The following ABCA1 variants were observed in gnomAD, a reference collection of about 807,000 sequenced individuals.
ABCA1 encodes ATP binding cassette subfamily A member 1.
Under a neutral mutation model 262.5 loss-of-function variants are expected in ABCA1, and 133 were observed. The observed-to-expected ratio is 0.51, with a 90% CI of 0.44 to 0.59. The LOEUF (loss-of-function observed/expected upper bound fraction) is 0.59. Ranked by LOEUF, ABCA1 falls within the 20% of genes least tolerant of loss-of-function variation. The probability of loss-of-function intolerance (pLI) is 0.00; values close to 1 mark genes in which losing one functional copy is unlikely to be tolerated. For synonymous variants in ABCA1, 1,022 were observed against 1,043.5 expected (o/e 0.98, Z 0.40); for missense variants, 2,452 against 2,777.5 (o/e 0.88, Z 2.63).
At chr9:104,847,256 A>G (rs564790241) in intron 7 of ABCA1, among the ~76,000 whole-genome samples, 9 of 152,284 alleles carry the variant, frequency 5.9e-5, no homozygotes, top group Admixed American at 2.6e-4. Flanking sequence ...CTGTGCCCCA[A>G]TTCTCCAGTC....
chr9:104,795,911 G>GTTC, intron 39 of ABCA1, 142 bp downstream of exon 39: 13 of 1,221,412 alleles, frequency 1.1e-5, no homozygotes, highest in Non-Finnish European at 1.4e-5. Context: ...TGCCTTCTCA[G>GTTC]GGAAGACAGA....
chr9:104,857,405 G>T (rs903384086), intron 7 of ABCA1, among the ~76,000 whole-genome samples: 2 of 152,096 alleles, frequency 1.3e-5, no homozygotes, highest in Non-Finnish European at 2.9e-5. Flanking sequence ...GCTATTTTTT[G>T]TATTTTTGTA....
chr9:104,838,849 G>A (rs1834089789), intron 9 of ABCA1, among the ~76,000 whole-genome samples: 1 of 151,406 alleles, frequency 6.6e-6, no homozygotes, highest in Admixed American at 6.6e-5. Context: ...TCACAATTAA[G>A]TCTGTCATGG....
intron 19 of ABCA1, among the ~76,000 whole-genome samples, chr9:104,821,895 T>C (rs976771210): frequency 1.3e-5 from 2 of 152,212 alleles, no homozygotes; most frequent in African/African-American, 2.4e-5. Flanking sequence ...TTAAAAATCT[T>C]CTGAAAAGCT....
chr9:104,788,341 G>C (rs1356425191), intron 45 of ABCA1, 85 bp downstream of exon 45: 14 of 1,590,334 alleles, frequency 8.8e-6, no homozygotes, highest in Middle Eastern at 1.7e-4. Context: ...AAAACAGCCT[G>C]AAGTCAATGC....
chr9:104,913,323 T>C (rs1841613092), intron 1 of ABCA1, among the ~76,000 whole-genome samples: 2 of 152,220 alleles, frequency 1.3e-5, no homozygotes, highest in South Asian at 4.1e-4. Context: ...TGGGTTTGAA[T>C]CCTGACTCTG....
chr9:104,874,966 G>A (rs185776746), intron 5 of ABCA1, among the ~76,000 whole-genome samples: 2,113 of 151,924 alleles, frequency 0.014, 34 homozygotes, highest in Non-Finnish European at 0.018. Flanking sequence ...CCCTCTACCC[G>A]GCCGCCGCCC....
intron 7 of ABCA1, chr9:104,855,997 A>G: frequency 1.2e-6 from 2 of 1,612,834 alleles, no homozygotes; most frequent in Non-Finnish European, 1.7e-6. Flanking sequence ...TCTCCCCATC[A>G]TGTTGGGCTT....
At chr9:104,810,677 C>A (rs756215452) in intron 29 of ABCA1, 123 bp downstream of exon 29, 45 of 1,477,524 alleles carry the variant, frequency 3.0e-5, no homozygotes, top group Non-Finnish European at 4.1e-5. Context: ...TATACAGGGA[C>A]CTGAGCCGCA....
rs769430806 is a variant in ABCA1 at position 104,812,694 on chromosome 9, C to T, written c.3930G>A (p.Gly1310=). The T allele has an allele frequency of 1.9e-6, 3 of 1,614,112 alleles. No individual in the cohort carries two copies. The highest frequency in any genetic ancestry group is 1.3e-5 in the African/African-American group (1 of 74,928). ...CCTGGTAGGACCCTTTGCCATCCAT[C>T]CCACTGAGCAAGTCTGTCTCTCTGG... ...PESRETDLLS[G]MDGKGSYQVK... is the part of the protein sequence containing the mutation. Residue 1310 remains glycine, a synonymous_variant, in exon 28 of 50, where the codon GGG becomes GGA. Transcript: ENST00000374736.
In ABCA1 at chr9:104,784,248, C is replaced by T. The variant is rs969929677; in HGVS notation, c.*67G>A. 3.7e-6 allele frequency: 6 copies of T among 1,603,600 alleles called. No individual in the cohort carries two copies. The highest frequency in any genetic ancestry group is 2.7e-5 in the African/African-American group (2 of 74,688). ...ACTTCTGGCTCTTTTCTCCACAACACTTCACATGGTGCAAAGGAAAGTCTA... is the reference window on the plus strand; with the variant it reads ...ACTTCTGGCTCTTTTCTCCACAACATTTCACATGGTGCAAAGGAAAGTCTA... On this transcript the variant is annotated 3_prime_UTR_variant, in exon 50 of 50. Coordinates refer to ENST00000374736, the MANE Select transcript of ABCA1 (RefSeq NM_005502.4).
chr9:104,923,305 A>C (rs919347796), intron 1 of ABCA1, among the ~76,000 whole-genome samples: 86 of 152,342 alleles, frequency 5.6e-4, no homozygotes, highest in African/African-American at 2.0e-3. Context: ...TCTATAGATC[A>C]CATAGGAAAA....
At position 104,827,054 on chromosome 9, in the gene ABCA1, T is replaced by C. The variant is rs1832870554; in HGVS notation, c.2231A>G (p.Asn744Ser). Residue 744 changes from asparagine to serine, a missense_variant, in exon 16 of 50, where the codon AAC (asparagine) becomes AGC (serine). Physicochemically the swap from Asn to Ser is conservative, Grantham distance 46. Coordinates refer to ENST00000374736, the MANE Select transcript of ABCA1 (RefSeq NM_005502.4). ...GATGCCCCCACAGGCTGCTGCCAGGTTGGCTCTGGAGAAGAGTGTGCTAAT... is the reference window on the plus strand; with the variant it reads ...GATGCCCCCACAGGCTGCTGCCAGGCTGGCTCTGGAGAAGAGTGTGCTAAT... ...FLISTLFSRANLAAACGGIIY... is the reference protein window; with the variant it reads ...FLISTLFSRASLAAACGGIIY... 1.9e-6 allele frequency: 3 copies of C among 1,614,178 alleles called. No individual in the cohort carries two copies. The highest frequency in any genetic ancestry group is 2.5e-6 in the Non-Finnish European group (3 of 1,180,028).
Position 104,862,654 on chromosome 9 carries a change from C to CCGGGCAGGGCA in ABCA1, c.422-855_422-854insTGCCCTGCCCG, listed in dbSNP as rs1836603364. 4.1e-3 allele frequency among the ~76,000 whole-genome samples: 31 copies of CCGGGCAGGGCA among 7,522 alleles called. 6 individuals are homozygous for CCGGGCAGGGCA. The highest frequency in any genetic ancestry group is 5.9e-3 in the Non-Finnish European group (23 of 3,882). The allele number at this position is 7,522 out of a possible 152,430, so 4.9% of individuals were successfully genotyped here. On this transcript the variant is annotated intron_variant, in intron 5 of 49. Transcript: ENST00000374736. The stretch of plus-strand genomic sequence containing the variant: ...ACTGCCGGGCCGGGCCGGGCCGGGC[C>CCGGGCAGGGCA]GGGCCGGGCCGGGCCGGGCCGGGCC...
chr9:104,906,843 C>T (rs973779263), intron 1 of ABCA1, among the ~76,000 whole-genome samples: 6 of 151,536 alleles, frequency 4.0e-5, no homozygotes, highest in Non-Finnish European at 8.8e-5. Flanking sequence ...TGCCCTCATA[C>T]ACATTTCCAG....
intron 9 of ABCA1, among the ~76,000 whole-genome samples, chr9:104,838,720 C>A (rs1426335915): frequency 2.0e-5 from 3 of 151,970 alleles, no homozygotes; most frequent in Admixed American, 6.6e-5. Flanking sequence ...GTTTGGTTAT[C>A]CAGCAGGATC....
chr9:104,882,111 A>G (rs1229083183), intron 5 of ABCA1, among the ~76,000 whole-genome samples: 3 of 150,158 alleles, frequency 2.0e-5, no homozygotes, highest in African/African-American at 7.4e-5. Flanking sequence ...TTCTTTTGCC[A>G]AATAGAAAAC....
In ABCA1 at chr9:104,858,674, G is replaced by A. The variant is rs1195539471; in HGVS notation, c.568C>T (p.His190Tyr). 3.1e-6 allele frequency: 5 copies of A among 1,614,050 alleles called. No homozygotes were observed. Among genetic ancestry groups the A allele is most frequent in the African/African-American group, 1.3e-5 (1 of 74,922 alleles). ...GATCCATTGCACAGACTTGTCAAAT[G>A]TAACTGGTAGCCTTGCAAAAATACC... ...HKVFLQGYQL[H>Y]LTSLCNGSKS... The change falls in exon 7 of 50, where the codon CAT (histidine) becomes TAT (tyrosine). Residue 190 changes from histidine to tyrosine, a missense_variant. His to Tyr is a moderately conservative substitution (Grantham distance 83, BLOSUM62 2). Around this residue, in one of 4 missense-constraint regions of ABCA1, gnomAD observed 1,032 missense variants for 1,089.7 expected, o/e 0.95. Coordinates refer to ENST00000374736, the MANE Select transcript of ABCA1 (RefSeq NM_005502.4).
chr9:104,796,060 G>A lies in ABCA1; in HGVS notation c.5375C>T (p.Thr1792Ile). ...TCTCTCTGCATGACTCACATTGTCG[G>A]TGAACAGCTCCAGCACAAAGGTGGC... is the stretch of plus-strand genomic sequence containing the variant. ...SVATFVLELFTDNKLNNINDI... is the reference protein window; with the variant it reads ...SVATFVLELFIDNKLNNINDI... The change falls in exon 39 of 50, where the codon ACC becomes ATC. Residue 1792 changes from threonine to isoleucine, a missense_variant. By Grantham distance (89) the Thr-to-Ile change is moderately conservative. This residue lies in a region of ABCA1 where 752 missense variants were observed against 944.5 expected (regional missense o/e 0.80). Coordinates refer to ENST00000374736, the MANE Select transcript of ABCA1 (RefSeq NM_005502.4). 6.2e-7 allele frequency: 1 copy of A among 1,612,622 alleles called. No individual in the cohort carries two copies. Among genetic ancestry groups the A allele is most frequent in the Non-Finnish European group, 8.5e-7 (1 of 1,179,988 alleles).
Sources: gnomAD v4.1 joint callset for allele counts (sites outside exome capture counted in the v4.1 genomes callset) on GRCh38, gnomAD v4.1.1 for gene constraint, gnomAD v4.1.1 regional missense constraint, MANE v1.5 for transcripts, NCBI Gene and HGNC (gene_info 2026-07-23, HGNC 2026-07-21) for gene names.